Variants in SVOPL observed in about 807,000 individuals in gnomAD.
SVOPL encodes the protein putative transporter SVOPL.
SVOPL carries 60 observed loss-of-function variants against 61.0 expected under a neutral mutation model. The observed-to-expected ratio is 0.98, with a 90% CI of 0.80 to 1.22. SVOPL has a LOEUF of 1.22. SVOPL is among the 50% of genes most tolerant of loss of function. The pLI is 0.00. For synonymous variants in SVOPL, 279 were observed against 250.0 expected, an observed-to-expected ratio of 1.12 and a Z score of -1.09; for missense variants, 662 against 643.9, an observed-to-expected ratio of 1.03 and a Z score of -0.30.
intron 1 of SVOPL, among the ~76,000 whole-genome samples, chr7:138,694,335 C>T (rs1216964141): frequency 2.0e-5 from 3 of 151,582 alleles, no homozygotes; most frequent in African/African-American, 7.3e-5. Context: ...ACCTCTGCCT[C>T]CTGGGTTCAA....
At chr7:138,659,796 G>T in intron 6 of SVOPL, 68 bp downstream of exon 6, 1 of 1,427,418 alleles carries the variant, frequency 7.0e-7, no homozygotes, top group Non-Finnish European at 9.6e-7. Context: ...ATTAAGCGCA[G>T]TGTGTGTGCA....
At chr7:138,631,472 CCTTCCACTATT>C (rs900347056) in intron 9 of SVOPL, among the ~76,000 whole-genome samples, 3 of 152,132 alleles carry the variant, frequency 2.0e-5, no homozygotes, top group Admixed American at 6.6e-5. Flanking sequence ...CTCCCCCCAT[CCTTCCACTATT>C]CTTCCCAATC....
At chr7:138,691,823 G>A (rs1158270443) in intron 1 of SVOPL, among the ~76,000 whole-genome samples, 1 of 151,990 alleles carries the variant, frequency 6.6e-6, no homozygotes, top group African/African-American at 2.4e-5. Context: ...TTACAGGCAT[G>A]AGCCACTGTG....
intron 4 of SVOPL, 82 bp from the exon 5 acceptor site, chr7:138,663,227 T>C: frequency 6.4e-7 from 1 of 1,558,166 alleles, no homozygotes; most frequent in Non-Finnish European, 8.7e-7. Flanking sequence ...TCACTAGAAG[T>C]AGGCTGGAAA....
chr7:138,638,565 C>A (rs1291070546), intron 9 of SVOPL, among the ~76,000 whole-genome samples: 2 of 151,742 alleles, frequency 1.3e-5, no homozygotes, highest in Non-Finnish European at 2.9e-5. Context: ...ACTGCACTCC[C>A]GCTGGGTGAC....
intron 4 of SVOPL, 147 bp downstream of exon 4, chr7:138,671,872 A>T: frequency 3.0e-6 from 2 of 656,772 alleles, no homozygotes; most frequent in South Asian, 3.9e-5. Context: ...AAAGGTGACG[A>T]AGACATCAAA....
chr7:138,642,396 A>G (rs555442438), intron 9 of SVOPL, among the ~76,000 whole-genome samples: 1 of 152,176 alleles, frequency 6.6e-6, no homozygotes, highest in African/African-American at 2.4e-5. Context: ...GGACCAAGAA[A>G]AGAGAGAAAG....
intron 14 of SVOPL, chr7:138,597,191 T>A: frequency 7.8e-7 from 1 of 1,289,332 alleles, no homozygotes; most frequent in Non-Finnish European, 1.0e-6. Flanking sequence ...TCTTGATAGT[T>A]CTCCATTAAT....
At chr7:138,606,760 C>A (rs987200046) in intron 14 of SVOPL, among the ~76,000 whole-genome samples, 2 of 152,134 alleles carry the variant, frequency 1.3e-5, no homozygotes, top group Non-Finnish European at 2.9e-5. Flanking sequence ...TCAAGACCAG[C>A]CTGGCCAACA....
intron 3 of SVOPL, among the ~76,000 whole-genome samples, chr7:138,674,620 G>A (rs1802510791): frequency 6.6e-6 from 1 of 152,026 alleles, no homozygotes; most frequent in Admixed American, 6.6e-5. Flanking sequence ...ACTTTGGGAG[G>A]CCGAGGCGGG....
chr7:138,693,557 G>GAAAGAA (rs1802995477), intron 1 of SVOPL, among the ~76,000 whole-genome samples: 1 of 98,002 alleles, frequency 1.0e-5, no homozygotes, highest in Non-Finnish European at 2.0e-5. Flanking sequence ...AAGAAAGAAA[G>GAAAGAA]AAAGAAAGAA....
At chr7:138,652,301 C>T (rs564688488) in intron 7 of SVOPL, among the ~76,000 whole-genome samples, 3 of 152,168 alleles carry the variant, frequency 2.0e-5, no homozygotes, top group Non-Finnish European at 4.4e-5. Flanking sequence ...ATCCTCCTAC[C>T]TCAGCCTCCC....
rs1563140875 is a variant in SVOPL, at chr7:138,693,577, A to AAAGAAAGAAAGAAAG, written c.-35+7600_-35+7601insCTTTCTTTCTTTCTT. Among the ~76,000 whole-genome samples the AAAGAAAGAAAGAAAG allele has an allele frequency of 4.1e-3, 314 of 76,096 alleles. 4 individuals carry two copies. The highest frequency in any genetic ancestry group is 2.8e-3 in the Non-Finnish European group (91 of 32,816). The allele number at this position is 76,096 out of a possible 152,430, so 49.9% of individuals were successfully genotyped here. A position where few individuals can be genotyped will look rare whatever the true frequency, so the allele number is the denominator to read the frequency against. ...AGAAAGAAAGAAAGAAAGAAAGAAA[A>AAAGAAAGAAAGAAAG]AAGGAAAGAAAGAAAAAAGGAAAGA... On this transcript the variant is annotated intron_variant, in intron 1 of 15. Transcript: ENST00000674285.
At chr7:138,647,928 G>A (rs889039282) in intron 8 of SVOPL, among the ~76,000 whole-genome samples, 1 of 151,680 alleles carries the variant, frequency 6.6e-6, no homozygotes, top group African/African-American at 2.4e-5. Context: ...TGGGATGCCT[G>A]TATTGAGTCG....
chr7:138,622,202 G>GTC (rs1563096566), intron 13 of SVOPL, among the ~76,000 whole-genome samples: 3 of 59,388 alleles, frequency 5.1e-5, no homozygotes, highest in Non-Finnish European at 3.5e-5. Flanking sequence ...ATCTATCTAT[G>GTC]TATCTATCTA....
intron 8 of SVOPL, among the ~76,000 whole-genome samples, chr7:138,647,755 G>A (rs1477145212): frequency 6.6e-6 from 1 of 150,922 alleles, no homozygotes; most frequent in Non-Finnish European, 1.5e-5. Flanking sequence ...GGCTGAGGCA[G>A]GAGAATCACT....
At chr7:138,604,152 T>C (rs898787545) in intron 14 of SVOPL, among the ~76,000 whole-genome samples, 8 of 151,588 alleles carry the variant, frequency 5.3e-5, no homozygotes, top group Non-Finnish European at 1.0e-4. Context: ...TTTGTAGACA[T>C]GGGGTCCCAC....
At chr7:138,632,817 G>C (rs1469809767) in intron 9 of SVOPL, among the ~76,000 whole-genome samples, 1 of 152,114 alleles carries the variant, frequency 6.6e-6, no homozygotes, top group Non-Finnish European at 1.5e-5. Context: ...TGCAACTACT[G>C]CATTCAATTC....
rs1333357303 is a variant in SVOPL at position 138,628,138 on chromosome 7, AC to A, written c.1069+19del. 1.9e-6 allele frequency: 3 copies of A among 1,614,094 alleles called. No individual in the cohort carries two copies. The South Asian group carries it at 3.3e-5, about 18-fold the overall frequency. On this transcript the variant is annotated intron_variant, in intron 11 of 15. Coordinates refer to ENST00000674285, the MANE Select transcript of SVOPL (RefSeq NM_001139456.2). ...AGACCACCCAAGACAGAGAGACCCA[AC>A]ACGCAGAGGGACACTTACAAGCAAT...
Sources: allele counts gnomAD v4.1 joint callset (sites outside exome capture counted in the v4.1 genomes callset), GRCh38; gene constraint gnomAD v4.1.1; transcripts MANE v1.5; gene names NCBI Gene and HGNC (gene_info 2026-07-23, HGNC 2026-07-21).